ZCWPW2: variants seen among roughly 807,000 people sequenced by gnomAD.
ZCWPW2 encodes the protein zinc finger CW-type and PWWP domain containing 2, also known as zinc finger CW-type PWWP domain protein 2.
Under a neutral mutation model 46.6 loss-of-function variants are expected in ZCWPW2, and 45 were observed. That is an observed-to-expected ratio of 0.96 (90% CI 0.76 to 1.24). ZCWPW2 has a LOEUF of 1.24. Among genes scored for constraint, ZCWPW2 ranks in the 50% most tolerant of loss-of-function variants. ZCWPW2 has a pLI of 0.00. For missense variants in ZCWPW2, 429 were observed against 403.9 expected (o/e 1.06, Z -0.53); for synonymous variants, 152 against 137.1 (o/e 1.11, Z -0.76).
intron 6 of ZCWPW2, among the ~76,000 whole-genome samples, chr3:28,509,305 G>A (rs1245218413): frequency 2.0e-5 from 3 of 152,048 alleles, no homozygotes; most frequent in Admixed American, 6.6e-5. Flanking sequence ...ACTGGTTCTT[G>A]TATGGGAATA....
At chr3:28,442,954 C>T (rs1213236471) in intron 4 of ZCWPW2, among the ~76,000 whole-genome samples, 2 of 152,096 alleles carry the variant, frequency 1.3e-5, no homozygotes, top group Admixed American at 1.3e-4. Flanking sequence ...TCTATTTGGC[C>T]CTTCCCACAA....
Position 28,475,676 on chromosome 3 carries a change from T to C in ZCWPW2, c.493-3138T>C, listed in dbSNP as rs1318410698. 2.0e-5 allele frequency among the ~76,000 whole-genome samples: 3 copies of C among 152,290 alleles called. No homozygotes were observed. In the East Asian group the frequency reaches 5.8e-4, roughly 29 times the overall value. The stretch of plus-strand genomic sequence containing the variant: ...GACTCAGCTACACTGGATTCTTTGA[T>C]GCTTCTTTAATATACATGTACTCTC... On this transcript the variant is annotated intron_variant, in intron 4 of 9. Coordinates refer to ENST00000383768, the MANE Select transcript of ZCWPW2 (RefSeq NM_001040432.4).
intron 1 of ZCWPW2, among the ~76,000 whole-genome samples, chr3:28,364,975 C>A (rs1185658298): frequency 2.0e-5 from 3 of 152,048 alleles, no homozygotes; most frequent in African/African-American, 7.2e-5. Context: ...ATATCCTTTG[C>A]CCACTTTTTG....
chr3:28,479,619 C>G (rs143763788), intron 5 of ZCWPW2, among the ~76,000 whole-genome samples: 1 of 152,200 alleles, frequency 6.6e-6, no homozygotes, highest in Non-Finnish European at 1.5e-5. Context: ...TATTTCATAA[C>G]CCAGGTATTA....
intron 8 of ZCWPW2, among the ~76,000 whole-genome samples, chr3:28,518,587 A>T (rs1164169821): frequency 6.6e-6 from 1 of 152,208 alleles, no homozygotes; most frequent in Non-Finnish European, 1.5e-5. Flanking sequence ...TCTAATTTTG[A>T]TCAAAAGGCA....
intron 4 of ZCWPW2, among the ~76,000 whole-genome samples, chr3:28,465,445 A>G (rs1698784091): frequency 6.6e-6 from 1 of 152,214 alleles, no homozygotes; most frequent in Admixed American, 6.5e-5. Context: ...GATTTCAAAC[A>G]AACTTGTTTG....
chr3:28,515,716 TG>T, intron 8 of ZCWPW2, 95 bp downstream of exon 8: 3 of 108,220 alleles, frequency 2.8e-5, no homozygotes, highest in Non-Finnish European at 4.3e-5. Context: ...AAAGATTTCC[TG>T]TGTGTGTGTG....
intron 8 of ZCWPW2, among the ~76,000 whole-genome samples, chr3:28,517,867 G>A (rs911982406): frequency 1.3e-5 from 2 of 152,136 alleles, no homozygotes; most frequent in African/African-American, 4.8e-5. Flanking sequence ...TGGGCATGGT[G>A]GCTCACGCCT....
intron 8 of ZCWPW2, 38 bp downstream of exon 8, chr3:28,515,659 T>C (rs1700542643): frequency 1.3e-6 from 2 of 1,556,722 alleles, no homozygotes; most frequent in East Asian, 2.3e-5. Flanking sequence ...TTCTTTAACC[T>C]ATATATAATT....
intron 2 of ZCWPW2, among the ~76,000 whole-genome samples, chr3:28,408,941 T>G (rs1252765127): frequency 6.6e-6 from 1 of 152,106 alleles, no homozygotes; most frequent in Non-Finnish European, 1.5e-5. Context: ...TAGATTCATA[T>G]GCACATATGT....
chr3:28,471,450 A>G (rs1472297654), intron 4 of ZCWPW2, among the ~76,000 whole-genome samples: 1 of 152,200 alleles, frequency 6.6e-6, no homozygotes, highest in Non-Finnish European at 1.5e-5. Context: ...TTGGTTCAGC[A>G]TACACAAATC....
intron 4 of ZCWPW2, among the ~76,000 whole-genome samples, chr3:28,458,342 C>T (rs1698499724): frequency 1.3e-5 from 2 of 152,164 alleles, no homozygotes; most frequent in African/African-American, 4.8e-5. Context: ...CCTGTCAGTA[C>T]TATATGAGCA....
intron 8 of ZCWPW2, among the ~76,000 whole-genome samples, chr3:28,520,133 T>C (rs997152188): frequency 1.3e-5 from 2 of 150,818 alleles, no homozygotes; most frequent in Non-Finnish European, 2.9e-5. Context: ...GCCTCCGGAG[T>C]AGCTGGTACT....
intron 5 of ZCWPW2, among the ~76,000 whole-genome samples, chr3:28,484,429 G>T (rs1172853243): frequency 2.0e-5 from 3 of 152,102 alleles, no homozygotes; most frequent in Non-Finnish European, 1.5e-5. Flanking sequence ...GTTTGGGAAG[G>T]TTATTATATT....
intron 2 of ZCWPW2, among the ~76,000 whole-genome samples, chr3:28,392,513 A>G (rs1695533905): frequency 6.6e-6 from 1 of 152,150 alleles, no homozygotes; most frequent in Admixed American, 6.6e-5. Context: ...CACAAAACAC[A>G]TATCCTTCTC....
chr3:28,417,337 G>C (rs1202070876), intron 3 of ZCWPW2, among the ~76,000 whole-genome samples: 1 of 152,058 alleles, frequency 6.6e-6, no homozygotes, highest in Non-Finnish European at 1.5e-5. Flanking sequence ...TCTCTGAATA[G>C]ACCAATAACA....
At chr3:28,520,526 A>G (rs1700695180) in intron 8 of ZCWPW2, among the ~76,000 whole-genome samples, 1 of 152,176 alleles carries the variant, frequency 6.6e-6, no homozygotes, top group South Asian at 2.1e-4. Flanking sequence ...ATTGGAACAT[A>G]GCCACTCTCA....
chr3:28,469,874 G>C (rs929704618), intron 4 of ZCWPW2, among the ~76,000 whole-genome samples: 1 of 152,092 alleles, frequency 6.6e-6, no homozygotes, highest in Non-Finnish European at 1.5e-5. Flanking sequence ...AGATCTTCCA[G>C]ACAGAAAATC....
chr3:28,456,808 C>T (rs1024607008), intron 4 of ZCWPW2, among the ~76,000 whole-genome samples: 1 of 152,140 alleles, frequency 6.6e-6, no homozygotes, highest in East Asian at 1.9e-4. Flanking sequence ...ACGTTGCATC[C>T]TGGGGATGAA....
Sources: gnomAD v4.1 joint callset for allele counts (sites outside exome capture counted in the v4.1 genomes callset) on GRCh38, gnomAD v4.1.1 for gene constraint, MANE v1.5 for transcripts, NCBI Gene and HGNC (gene_info 2026-07-23, HGNC 2026-07-21) for gene names.